NRXN3: variants seen among roughly 807,000 people sequenced by gnomAD.
The protein encoded by NRXN3 is neurexin 3.
Under a neutral mutation model 137.6 loss-of-function variants are expected in NRXN3, and 32 were observed. The observed-to-expected ratio is 0.23, with a 90% CI of 0.18 to 0.31. The LOEUF (loss-of-function observed/expected upper bound fraction) is 0.31. Ranked by LOEUF, NRXN3 falls within the 10% of genes least tolerant of loss-of-function variation. The pLI is 1.00. For synonymous variants in NRXN3, 798 were observed against 784.5 expected (o/e 1.02, Z -0.29); for missense variants, 1,574 against 2,062.5 (o/e 0.76, Z 4.59).
chr14:79,079,223 A>G (rs1389685821), intron 15 of NRXN3, among the ~76,000 whole-genome samples: 3 of 152,142 alleles, frequency 2.0e-5, no homozygotes, highest in Non-Finnish European at 1.5e-5. Context: ...TTACTAAAGC[A>G]AAGATAACTG....
At chr14:79,521,790 C>T (rs2097067857) in intron 16 of NRXN3, among the ~76,000 whole-genome samples, 1 of 152,142 alleles carries the variant, frequency 6.6e-6, no homozygotes, top group African/African-American at 2.4e-5. Context: ...TCTTTAAAAA[C>T]TATACTCTGT....
intron 10 of NRXN3, among the ~76,000 whole-genome samples, chr14:78,831,517 A>T (rs964043671): frequency 7.2e-6 from 1 of 138,364 alleles, no homozygotes; most frequent in African/African-American, 2.8e-5. Context: ...CCTGGGTGAC[A>T]GAGGGAGACT....
At chr14:78,494,390 C>A (rs945478624) in intron 4 of NRXN3, among the ~76,000 whole-genome samples, 1 of 149,870 alleles carries the variant, frequency 6.7e-6, no homozygotes, top group African/African-American at 2.4e-5. Flanking sequence ...GGGAGTAAGA[C>A]CTCATGGCTT....
chr14:79,029,066 TAAAG>T (rs2099603164), intron 15 of NRXN3, among the ~76,000 whole-genome samples: 2 of 137,504 alleles, frequency 1.5e-5, no homozygotes, highest in East Asian at 4.2e-4. Flanking sequence ...AAGGAAGAAA[TAAAG>T]AAAAAGAGAG....
chr14:78,769,631 G>A (rs568417466), intron 8 of NRXN3, among the ~76,000 whole-genome samples: 2 of 152,302 alleles, frequency 1.3e-5, no homozygotes, highest in South Asian at 2.1e-4. Flanking sequence ...TCACTTCTAC[G>A]AATAATACTG....
intron 15 of NRXN3, among the ~76,000 whole-genome samples, chr14:79,027,553 A>C (rs1043134214): frequency 1.3e-5 from 2 of 152,142 alleles, no homozygotes; most frequent in Non-Finnish European, 2.9e-5. Context: ...GCTGTGTGCT[A>C]GCAGTTAGCT....
chr14:79,604,750 G>T (rs1161971602), intron 16 of NRXN3, among the ~76,000 whole-genome samples: 2 of 152,112 alleles, frequency 1.3e-5, no homozygotes, highest in Non-Finnish European at 2.9e-5. Context: ...CATCATTCAG[G>T]GTTGGGTGTG....
intron 16 of NRXN3, among the ~76,000 whole-genome samples, chr14:79,594,700 T>A (rs78862970): frequency 0.07 from 9,699 of 137,586 alleles, 333 homozygotes; most frequent in Middle Eastern, 0.12. Flanking sequence ...CAAAAAAAAA[T>A]ATATATATAT....
intron 4 of NRXN3, among the ~76,000 whole-genome samples, chr14:78,491,680 T>C (rs779137173): frequency 3.8e-4 from 58 of 152,174 alleles, no homozygotes; most frequent in Non-Finnish European, 7.9e-4. Context: ...TGAGAATTCA[T>C]TTTTATACTG....
At chr14:79,477,489 G>A (rs927356162) in intron 16 of NRXN3, among the ~76,000 whole-genome samples, 3 of 152,036 alleles carry the variant, frequency 2.0e-5, no homozygotes, top group African/African-American at 7.2e-5. Context: ...GAATTATCTG[G>A]TACATAGTGG....
intron 6 of NRXN3, among the ~76,000 whole-genome samples, chr14:78,687,242 A>G (rs1355950765): frequency 3.9e-5 from 6 of 152,244 alleles, no homozygotes; most frequent in Admixed American, 3.9e-4. Context: ...TGAAAAAGCC[A>G]TCAAGCGCTA....
At chr14:78,271,602 G>A (rs954878762) in intron 2 of NRXN3, among the ~76,000 whole-genome samples, 1 of 152,180 alleles carries the variant, frequency 6.6e-6, no homozygotes, top group African/African-American at 2.4e-5. Context: ...AAGTATGTGA[G>A]AGCCCCTGAA....
intron 16 of NRXN3, among the ~76,000 whole-genome samples, chr14:79,556,994 G>A (rs2097435943): frequency 1.3e-5 from 2 of 151,762 alleles, no homozygotes; most frequent in African/African-American, 4.8e-5. Context: ...CATTATATAT[G>A]AAAACCCATC....
intron 15 of NRXN3, among the ~76,000 whole-genome samples, chr14:79,053,197 A>G (rs2099644509): frequency 6.6e-6 from 1 of 152,224 alleles, no homozygotes; most frequent in Non-Finnish European, 1.5e-5. Flanking sequence ...AAACTCACTG[A>G]GAATCAGAGC....
At chr14:78,808,773 C>T (rs111407139) in intron 9 of NRXN3, among the ~76,000 whole-genome samples, 32 of 152,256 alleles carry the variant, frequency 2.1e-4, no homozygotes, top group African/African-American at 7.7e-4. Context: ...CTATAAATCG[C>T]TCCTCTCCAG....
intron 20 of NRXN3, among the ~76,000 whole-genome samples, chr14:79,859,166 A>G (rs1364634744): frequency 1.3e-5 from 2 of 152,134 alleles, no homozygotes; most frequent in Non-Finnish European, 2.9e-5. Context: ...TTTAAATTTC[A>G]TAGTAAAATT....
intron 15 of NRXN3, among the ~76,000 whole-genome samples, chr14:79,227,107 C>A (rs771852758): frequency 1.3e-5 from 2 of 151,762 alleles, no homozygotes; most frequent in South Asian, 4.2e-4. Context: ...CGTGAGCCAC[C>A]GCGCCTGGCC....
intron 15 of NRXN3, among the ~76,000 whole-genome samples, chr14:79,217,128 C>T (rs1310363041): frequency 7.6e-6 from 1 of 131,476 alleles, no homozygotes; most frequent in African/African-American, 2.8e-5. Flanking sequence ...CAGAGCAAGA[C>T]TCTGTCTCAA....
intron 15 of NRXN3, among the ~76,000 whole-genome samples, chr14:79,430,856 G>A (rs1245570020): frequency 6.6e-6 from 1 of 152,086 alleles, no homozygotes; most frequent in Non-Finnish European, 1.5e-5. Flanking sequence ...CTATTTACTT[G>A]TAAATAAAAG....
Sources: allele counts gnomAD v4.1 joint callset (sites outside exome capture counted in the v4.1 genomes callset), GRCh38; gene constraint gnomAD v4.1.1; transcripts MANE v1.5; gene names NCBI Gene and HGNC (gene_info 2026-07-23, HGNC 2026-07-21).